SCRG1: variants seen among roughly 807,000 people sequenced by gnomAD.
The protein encoded by SCRG1 is scrapie-responsive protein 1.
Under a neutral mutation model 7.7 loss-of-function variants are expected in SCRG1, and 3 were observed. The ratio of observed to expected loss-of-function variants is 0.39; its 90% confidence interval spans 0.18 to 1.01. SCRG1 has a LOEUF of 1.01. Ranked by LOEUF, SCRG1 falls within the 50% of genes least tolerant of loss-of-function variation. SCRG1 has a pLI of 0.36. For synonymous variants in SCRG1, 46 were observed against 41.2 expected (o/e 1.12, Z -0.44); for missense variants, 110 against 117.2 (o/e 0.94, Z 0.28).
At chr4:173,389,996 G>A (rs980756279) in intron 2 of SCRG1, 3 of 242,308 alleles carry the variant, frequency 1.2e-5, no homozygotes, top group Admixed American at 4.6e-5. Flanking sequence ...TTAAAATCAA[G>A]AACTAAAAAT....
At chr4:173,517,144 C>G in the SCRG1 span, among the ~76,000 whole-genome samples, 1 of 151,928 alleles carries the variant, frequency 6.6e-6, no homozygotes, top group Admixed American at 6.5e-5. Context: ...AACCGTCCCC[C>G]CGGGAGGCTC....
chr4:173,498,532 T>C, the SCRG1 span, among the ~76,000 whole-genome samples: 1 of 152,234 alleles, frequency 6.6e-6, no homozygotes, highest in African/African-American at 2.4e-5. Flanking sequence ...CTAAAGCTCA[T>C]TCCAAGTTTA....
chr4:173,457,899 G>A, the SCRG1 span, among the ~76,000 whole-genome samples: 1 of 152,140 alleles, frequency 6.6e-6, no homozygotes, highest in Admixed American at 6.6e-5. Context: ...CCCTGAAGGA[G>A]TCATACTGTT....
At chr4:173,428,808 T>G in the SCRG1 span, among the ~76,000 whole-genome samples, 2 of 152,308 alleles carry the variant, frequency 1.3e-5, no homozygotes, top group South Asian at 4.1e-4. Flanking sequence ...TTAAGGGAGA[T>G]CTGTAAAATT....
chr4:173,506,188 G>C, the SCRG1 span, among the ~76,000 whole-genome samples: 30 of 152,368 alleles, frequency 2.0e-4, no homozygotes, highest in Admixed American at 3.3e-4. The surrounding 1 kb of genome is among the most constrained non-coding windows in gnomAD (Gnocchi z 5.3). Flanking sequence ...TTGAGTAAGA[G>C]AGTCATGGTA....
intron 2 of SCRG1, among the ~76,000 whole-genome samples, chr4:173,388,670 T>C (rs1166445296): frequency 1.3e-5 from 2 of 152,218 alleles, no homozygotes; most frequent in African/African-American, 4.8e-5. Flanking sequence ...AACTTTATGG[T>C]CATGTATACA....
the SCRG1 span, among the ~76,000 whole-genome samples, chr4:173,491,833 C>A: frequency 1.3e-5 from 2 of 152,042 alleles, no homozygotes; most frequent in Non-Finnish European, 2.9e-5. Context: ...GATATAAGAG[C>A]GTAAACTAGA....
chr4:173,437,687 C>T, the SCRG1 span, among the ~76,000 whole-genome samples: 1 of 152,170 alleles, frequency 6.6e-6, no homozygotes, highest in Non-Finnish European at 1.5e-5. Flanking sequence ...AAAGGCTGAT[C>T]TTGTTTGAGT....
chr4:173,436,419 G>A, the SCRG1 span, among the ~76,000 whole-genome samples: 1 of 152,156 alleles, frequency 6.6e-6, no homozygotes, highest in Non-Finnish European at 1.5e-5. Context: ...AGCAGCCTCT[G>A]CTTCTCAAAC....
the SCRG1 span, among the ~76,000 whole-genome samples, chr4:173,452,607 T>G: frequency 6.6e-6 from 1 of 152,238 alleles, no homozygotes; most frequent in Non-Finnish European, 1.5e-5. Context: ...CAAACCCATT[T>G]CCTGGATTTT....
At chr4:173,452,074 A>T in the SCRG1 span, among the ~76,000 whole-genome samples, 1 of 151,900 alleles carries the variant, frequency 6.6e-6, no homozygotes. Context: ...CTAAGTGTTG[A>T]TTGTCACCAT....
At chr4:173,477,134 T>C in the SCRG1 span, among the ~76,000 whole-genome samples, 2 of 152,148 alleles carry the variant, frequency 1.3e-5, no homozygotes, top group African/African-American at 4.8e-5. Context: ...GAAGCTTGGC[T>C]CTTCCAGCCA....
At chr4:173,417,464 C>A in the SCRG1 span, among the ~76,000 whole-genome samples, 1 of 152,166 alleles carries the variant, frequency 6.6e-6, no homozygotes, top group African/African-American at 2.4e-5. Context: ...GGGATGCCAC[C>A]TTTGGAAAAA....
chr4:173,387,259 T>C lies in SCRG1; in HGVS notation c.*1082A>G, dbSNP rs1739270700. On this transcript the variant is annotated 3_prime_UTR_variant, in exon 3 of 3. Transcript: ENST00000296506. ...AATATCTTAAACTTGAGTTAGCAGC[T>C]GAAAAATGGGGCTGAGAATATTTAC... The C allele has an allele frequency of 6.6e-6, 1 of 152,216 alleles. No homozygotes were observed. Among genetic ancestry groups the C allele is most frequent in the Non-Finnish European group, 1.5e-5 (1 of 68,042 alleles). The allele number at this position is 152,216 out of a possible 1,614,324, so 9.4% of individuals were successfully genotyped here.
At chr4:173,406,894 G>A (rs75876629), upstream of SCRG1, among the ~76,000 whole-genome samples, 22,534 of 152,072 alleles carry the variant, frequency 0.15, 2,217 homozygotes, top group Admixed American at 0.31. Flanking sequence ...TCTTGGTTGC[G>A]TACAGTTTTG....
chr4:173,412,660 C>T, the SCRG1 span, among the ~76,000 whole-genome samples: 16 of 152,264 alleles, frequency 1.1e-4, no homozygotes, highest in East Asian at 7.7e-4. Flanking sequence ...CATCAGAAAA[C>T]GCCCTCAGTT....
intron 2 of SCRG1, among the ~76,000 whole-genome samples, chr4:173,390,565 C>T (rs1314263779): frequency 6.6e-6 from 1 of 151,170 alleles, no homozygotes; most frequent in African/African-American, 2.4e-5. Flanking sequence ...CTCAGCCTCT[C>T]AGGTTCAAGC....
chr4:173,405,803 G>C (rs1024327154), intron 1 of SCRG1, among the ~76,000 whole-genome samples: 1 of 151,984 alleles, frequency 6.6e-6, no homozygotes, highest in Non-Finnish European at 1.5e-5. Flanking sequence ...TTCCTTTCTG[G>C]CACTAAAAGA....
At chr4:173,480,161 A>C in the SCRG1 span, among the ~76,000 whole-genome samples, 1 of 152,178 alleles carries the variant, frequency 6.6e-6, no homozygotes, top group Non-Finnish European at 1.5e-5. Context: ...TGAAGGAGAT[A>C]GCCTCATCTA....
Sources: allele counts gnomAD v4.1 joint callset (sites outside exome capture counted in the v4.1 genomes callset), GRCh38; gene constraint gnomAD v4.1.1; non-coding constraint Gnocchi (gnomAD v3.1); transcripts MANE v1.5; gene names NCBI Gene and HGNC (gene_info 2026-07-23, HGNC 2026-07-21).